Variants in ANKRD44 observed in about 807,000 individuals in gnomAD.
The protein encoded by ANKRD44 is serine/threonine-protein phosphatase 6 regulatory ankyrin repeat subunit B.
In ANKRD44, 35 loss-of-function variants were observed where a neutral mutation model predicts 116.0. That is an observed-to-expected ratio of 0.30 (90% confidence interval 0.23 to 0.40). The LOEUF is 0.40. ANKRD44 is among the 10% of genes least tolerant of loss of function. The pLI is 1.00. For missense variants in ANKRD44, 1,014 were observed against 1,242.6 expected (o/e 0.82, Z 2.77); for synonymous variants, 435 against 461.8 (o/e 0.94, Z 0.74).
At chr2:197,223,989 C>T (rs961544423) in intron 1 of ANKRD44, among the ~76,000 whole-genome samples, 2 of 135,528 alleles carry the variant, frequency 1.5e-5, no homozygotes, top group South Asian at 2.3e-4. Flanking sequence ...GATACATGTC[C>T]GTATGTGTTA....
At chr2:197,100,013 A>AC in intron 9 of ANKRD44, 83 bp from the exon 10 acceptor site, 1 of 1,243,636 alleles carries the variant, frequency 8.0e-7, no homozygotes, top group Non-Finnish European at 1.1e-6. Flanking sequence ...TCTCGTATCA[A>AC]CCAAATGTTG....
At chr2:197,256,997 G>C (rs2105701611) in intron 1 of ANKRD44, among the ~76,000 whole-genome samples, 1 of 152,224 alleles carries the variant, frequency 6.6e-6, no homozygotes, top group Admixed American at 6.5e-5. Context: ...AGAGAAGTCA[G>C]TTGATGTCTC....
intron 1 of ANKRD44, among the ~76,000 whole-genome samples, chr2:197,213,097 C>T (rs1465809694): frequency 1.3e-5 from 2 of 152,114 alleles, no homozygotes; most frequent in Non-Finnish European, 1.5e-5. Flanking sequence ...CATGGTGGCA[C>T]CTTCCAAAGA....
chr2:197,176,036 C>A (rs965914463), intron 2 of ANKRD44, among the ~76,000 whole-genome samples: 1 of 152,156 alleles, frequency 6.6e-6, no homozygotes, highest in African/African-American at 2.4e-5. Flanking sequence ...CCTTCTTCTG[C>A]CTTCTTCCTT....
At chr2:197,260,977 G>C (rs1203097980) in intron 1 of ANKRD44, among the ~76,000 whole-genome samples, 4 of 150,430 alleles carry the variant, frequency 2.7e-5, no homozygotes, top group Admixed American at 2.0e-4. Flanking sequence ...CTGGATATTA[G>C]CCCTTTGTCA....
chr2:197,190,026 G>C (rs2080785020), intron 1 of ANKRD44, among the ~76,000 whole-genome samples: 1 of 152,140 alleles, frequency 6.6e-6, no homozygotes, highest in African/African-American at 2.4e-5. Context: ...TCCTCAGCAG[G>C]GAGTGGTGCC....
At chr2:197,134,686 C>G (rs547094933) in intron 4 of ANKRD44, 1 of 152,054 alleles carries the variant, frequency 6.6e-6, no homozygotes, top group Non-Finnish European at 1.5e-5. Flanking sequence ...CAGAGACCAT[C>G]GGTCTTAGTT....
In ANKRD44 at chr2:197,122,631, T is replaced by C; in HGVS notation, c.693+19A>G. ...TACAAATACACTGGCCATGCATTGA[T>C]GCATTCATCATAGCTCACCTCCACC... is the stretch of plus-strand genomic sequence containing the variant. On this transcript the variant is annotated intron_variant, in intron 7 of 27. Transcript: ENST00000282272. The C allele has an allele frequency of 1.2e-6, 2 of 1,610,130 alleles. No individual in the cohort carries two copies. The highest frequency in any genetic ancestry group is 1.7e-6 in the Non-Finnish European group (2 of 1,178,606).
At chr2:197,045,790 G>A (rs1332496556) in intron 16 of ANKRD44, among the ~76,000 whole-genome samples, 3 of 151,848 alleles carry the variant, frequency 2.0e-5, no homozygotes, top group Admixed American at 2.0e-4. Flanking sequence ...TATTTAACAA[G>A]GTACCTGACT....
chr2:197,173,888 C>G (rs1344625187), intron 2 of ANKRD44, among the ~76,000 whole-genome samples: 1 of 152,052 alleles, frequency 6.6e-6, no homozygotes, highest in East Asian at 1.9e-4. Flanking sequence ...CAAAAATTAG[C>G]CGGGCATGGT....
In ANKRD44 at chr2:197,009,182, C is replaced by G. The variant is rs1574266079; in HGVS notation, c.1925-151G>C. On this transcript the variant is annotated intron_variant, in intron 18 of 27. Coordinates refer to ENST00000282272, the MANE Select transcript of ANKRD44 (RefSeq NM_001195144.2). ...TGTCATCTCATTGCAATCTCCACCT[C>G]CCAGGTTCAAGCTATTCTCCTGCCT... 4 of 580,598 alleles carry G rather than the reference C, an allele frequency of 6.9e-6. No homozygotes were observed. In the East Asian group the frequency reaches 1.3e-4, roughly 19 times the overall value. The allele number at this position is 580,598 out of a possible 1,614,324, so 36.0% of individuals were successfully genotyped here.
At chr2:197,252,786 T>C (rs1186822623) in intron 1 of ANKRD44, among the ~76,000 whole-genome samples, 2 of 152,330 alleles carry the variant, frequency 1.3e-5, no homozygotes, top group East Asian at 3.9e-4. Context: ...AATATTTATA[T>C]TGATTTTTAA....
chr2:197,166,812 T>G (rs1300827461), intron 2 of ANKRD44, among the ~76,000 whole-genome samples: 1 of 152,220 alleles, frequency 6.6e-6, no homozygotes, highest in African/African-American at 2.4e-5. Context: ...TCTTAGCCAC[T>G]ATTCTATGCT....
Position 197,270,955 on chromosome 2 carries a change from T to C in ANKRD44, c.27+39623A>G, listed in dbSNP as rs2082881523. 2.6e-5 allele frequency among the ~76,000 whole-genome samples: 4 copies of C among 152,156 alleles called. No homozygotes were observed. In the South Asian group the frequency reaches 8.3e-4, roughly 32 times the overall value. ...TAATCTTCCATCTCAACCCAGGTCA[T>C]ACACATATATACACACACCAGGGCT... On this transcript the variant is annotated intron_variant, in intron 1 of 27. Transcript: ENST00000282272.
intron 2 of ANKRD44, among the ~76,000 whole-genome samples, chr2:197,147,446 AT>A (rs2079533698): frequency 7.0e-6 from 1 of 142,652 alleles, no homozygotes; most frequent in African/African-American, 2.5e-5. Flanking sequence ...AAAAAAAAAA[AT>A]CTAACCTACC....
chr2:197,013,660 T>C lies in ANKRD44; in HGVS notation c.1775A>G (p.Asp592Gly). 6.2e-7 allele frequency: 1 copy of C among 1,613,886 alleles called. No individual in the cohort carries two copies. Among genetic ancestry groups the C allele is most frequent in the Non-Finnish European group, 8.5e-7 (1 of 1,180,004 alleles). Residue 592 changes from aspartate (D) to glycine (G), a missense_variant, in exon 18 of 28, where the codon GAC becomes GGC. Coordinates refer to ENST00000282272, the MANE Select transcript of ANKRD44 (RefSeq NM_001195144.2). The stretch of plus-strand genomic sequence containing the variant: ...GCCTTTCTCATCCCTGATGTCCAGG[T>C]CCACCAACGACTGCAGAAGGACTTC... Reference protein sequence around the residue: ...ALEVLLQSLVDLDIRDEKGRT... With the variant: ...ALEVLLQSLVGLDIRDEKGRT...
chr2:197,053,764 G>A (rs902152774), intron 16 of ANKRD44, among the ~76,000 whole-genome samples: 4 of 152,100 alleles, frequency 2.6e-5, no homozygotes, highest in Admixed American at 2.0e-4. Flanking sequence ...ATTACAGGCC[G>A]GAGCCACTGT....
chr2:197,147,180 G>A (rs2249470), intron 2 of ANKRD44, 75 bp from the exon 3 acceptor site: 1,154,294 of 1,215,908 alleles, frequency 0.95, 551,070 homozygotes, highest in East Asian at 0.99. Flanking sequence ...ATAGTAAGAC[G>A]TGTCACTCAC....
intron 1 of ANKRD44, among the ~76,000 whole-genome samples, chr2:197,218,293 G>C (rs1379482493): frequency 6.6e-6 from 1 of 152,024 alleles, no homozygotes; most frequent in Non-Finnish European, 1.5e-5. Context: ...AGGTGTCTCT[G>C]CCTTCTTTAA....
Sources: allele counts gnomAD v4.1 joint callset (sites outside exome capture counted in the v4.1 genomes callset), GRCh38; gene constraint gnomAD v4.1.1; transcripts MANE v1.5; gene names NCBI Gene and HGNC (gene_info 2026-07-23, HGNC 2026-07-21).